The following SMTN variants were observed in gnomAD, a reference collection of about 807,000 sequenced individuals.
SMTN encodes the protein smoothelin.
In SMTN, 58 loss-of-function variants were observed where a neutral mutation model predicts 102.0. The observed-to-expected ratio is 0.57, with a 90% CI of 0.46 to 0.71. The LOEUF is 0.71. Among genes scored for constraint, SMTN ranks in the 30% least tolerant of loss-of-function variants. SMTN has a pLI of 0.00. For missense variants in SMTN, 1,185 were observed against 1,241.7 expected, an observed-to-expected ratio of 0.95 and a Z score of 0.69; for synonymous variants, 478 against 497.9, an observed-to-expected ratio of 0.96 and a Z score of 0.53.
intron 2 of SMTN, among the ~76,000 whole-genome samples, chr22:31,086,519 G>C (rs2042714224): frequency 6.6e-6 from 1 of 152,126 alleles, no homozygotes; most frequent in Non-Finnish European, 1.5e-5. Context: ...TTGCCCCCTT[G>C]TCTCTCTCCC....
chr22:31,085,396 A>G lies in SMTN; in HGVS notation c.51+2087A>G, dbSNP rs2042619974. The G allele has an allele frequency of 6.0e-6, 6 of 1,005,756 alleles. No homozygotes were observed. The Middle Eastern group carries it at 8.4e-4, about 141-fold the overall frequency. 62.3% of individuals were successfully genotyped at this position (1,005,756 alleles called of 1,614,324 possible). A position where few individuals can be genotyped will look rare whatever the true frequency, so the allele number is the denominator to read the frequency against. ...TCCCTCCACCGCCGGCGGGACCCCC[A>G]TGGGCAACCGGGGGAGCTGGGACTG... On this transcript the variant is annotated intron_variant, in intron 2 of 20. Transcript: ENST00000333137.
intron 2 of SMTN, among the ~76,000 whole-genome samples, chr22:31,086,440 A>C (rs1470187068): frequency 6.6e-6 from 1 of 152,224 alleles, no homozygotes; most frequent in Admixed American, 6.5e-5. Context: ...TAGGGGGCTC[A>C]GCACAGGGTT....
intron 1 of SMTN, chr22:31,068,120 A>G (rs1274710298): frequency 1.3e-5 from 2 of 152,108 alleles, no homozygotes; most frequent in Non-Finnish European, 1.5e-5. Flanking sequence ...ACGGGCCAAT[A>G]TGGTGAAACC....
rs781721994 is a variant in SMTN, at chr22:31,095,574, G to A, written c.1826G>A (p.Arg609Gln). Residue 609 changes from arginine to glutamine, a missense_variant, in exon 13 of 21, where the codon CGG becomes CAG. This residue lies in a region of SMTN where 1,096 missense variants were observed against 1,112.7 expected (regional missense o/e 0.98). Transcript: ENST00000333137. This position sits in a 1 kb window ranked among gnomAD's most constrained non-coding sequence, Gnocchi z 4.1. ...STDFEERKLI[R>Q]AALRELRQRK... ...GACTTTGAAGAGCGGAAGCTCATCC[G>A]GGCTGCACTTCGTGAGCTCCGACAA... 1.7e-5 allele frequency: 28 copies of A among 1,613,826 alleles called. No individual in the cohort carries two copies. Among genetic ancestry groups the A allele is most frequent in the South Asian group, 7.7e-5 (7 of 91,050 alleles).
chr22:31,082,739 C>T, intron 1 of SMTN: 3 of 867,938 alleles, frequency 3.5e-6, no homozygotes, highest in Non-Finnish European at 3.6e-6. Flanking sequence ...GTTCAGCCCA[C>T]AGCCAGAAGC....
intron 2 of SMTN, chr22:31,083,575 C>T (rs1430843424): frequency 8.4e-6 from 3 of 359,186 alleles, no homozygotes; most frequent in Non-Finnish European, 1.5e-5. Flanking sequence ...TAGACTCGCC[C>T]GTATGCAGCC....
Position 31,085,085 on chromosome 22 carries a change from G to A in SMTN, c.51+1776G>A, listed in dbSNP as rs1334068080. 9 of 1,534,264 alleles carry A rather than the reference G, an allele frequency of 5.9e-6. No homozygotes were observed. The African/African-American group carries it at 1.2e-4, about 21-fold the overall frequency. ...GATTGGGCCGGGGATGGGAGGAATGGGGACGCCTGGGGACTTGCACGCCGC... is the reference window on the plus strand; with the variant it reads ...GATTGGGCCGGGGATGGGAGGAATGAGGACGCCTGGGGACTTGCACGCCGC... On this transcript the variant is annotated intron_variant, in intron 2 of 20. Transcript: ENST00000333137.
rs745600249 is a variant in SMTN at position 31,088,502 on chromosome 22, T to C, written c.201-11T>C. The C allele has an allele frequency of 6.2e-7, 1 of 1,612,150 alleles. No homozygotes were observed. The highest frequency in any genetic ancestry group is 1.7e-5 in the Admixed American group (1 of 59,978). Reference sequence around the variant, plus strand: ...ATGGCAGTGGTGGTTACAGTCATGATGTCTCTGCAGCTCTCAGCAGCGGGA... The same window carrying C: ...ATGGCAGTGGTGGTTACAGTCATGACGTCTCTGCAGCTCTCAGCAGCGGGA... On this transcript the variant is annotated splice_polypyrimidine_tract_variant and intron_variant, in intron 3 of 20. Coordinates refer to ENST00000333137, the MANE Select transcript of SMTN (RefSeq NM_134269.3).
chr22:31,066,751 GT>G (rs2041859412), intron 1 of SMTN: 1 of 151,650 alleles, frequency 6.6e-6, no homozygotes, highest in Non-Finnish European at 1.5e-5. Context: ...TTTTTATTTT[GT>G]TTTATTTTAT....
At chr22:31,094,113 C>A (rs1396097634) in intron 11 of SMTN, among the ~76,000 whole-genome samples, 2 of 152,242 alleles carry the variant, frequency 1.3e-5, no homozygotes, top group Non-Finnish European at 2.9e-5. Context: ...CTCCCTGCCG[C>A]CCTGCACCCT....
Position 31,089,701 on chromosome 22 carries a change from G to A in SMTN, c.474G>A (p.Val158=), listed in dbSNP as rs201112834. The change falls in exon 7 of 21, where the codon GTG becomes GTA. Residue 158 remains valine (V), a splice_region_variant and synonymous_variant. Transcript: ENST00000333137. ...LAAHRLEQCE[V]PEREEQEQQA... is the part of the protein sequence containing the mutation. ...TGCATCCTGTGGGTCCCTTACAGGTGCCAGAGCGAGAGGAACAGGAACAGC... is the reference window on the plus strand; with the variant it reads ...TGCATCCTGTGGGTCCCTTACAGGTACCAGAGCGAGAGGAACAGGAACAGC... The A allele has an allele frequency of 8.1e-6, 13 of 1,595,620 alleles. No homozygotes were observed. In the East Asian group the frequency reaches 1.1e-4, roughly 14 times the overall value.
upstream of SMTN, among the ~76,000 whole-genome samples, chr22:31,076,494 C>A (rs1476866603): frequency 6.6e-6 from 1 of 152,230 alleles, no homozygotes; most frequent in Non-Finnish European, 1.5e-5. Context: ...GCCTCAGTTT[C>A]TTTGCCCATA....
At chr22:31,104,249 G>T in intron 20 of SMTN, 67 bp from the exon 21 acceptor site, 1 of 1,572,704 alleles carries the variant, frequency 6.4e-7, no homozygotes, top group Non-Finnish European at 8.7e-7. Flanking sequence ...AAAAGACCTT[G>T]GGGTAGAGGG....
Position 31,090,863 on chromosome 22 carries a change from A to C in SMTN, c.921A>C (p.Gln307His). The change falls in exon 9 of 21, where the codon CAA becomes CAC. Residue 307 changes from glutamine (Q) to histidine (H), a missense_variant. Around this residue, in one of 2 missense-constraint regions of SMTN, gnomAD observed 1,096 missense variants for 1,112.7 expected, o/e 0.98. Coordinates refer to ENST00000333137, the MANE Select transcript of SMTN (RefSeq NM_134269.3). The part of the protein sequence containing the change: ...QRSLSVLSPR[Q>H]PAQNRESTPL... ...CCCTGTCGGTGCTCAGCCCCCGCCA[A>C]CCAGCCCAGAACCGAGGTACTACCT... 1 of 1,613,908 alleles carries C rather than the reference A, an allele frequency of 6.2e-7. No homozygotes were observed. The highest frequency in any genetic ancestry group is 8.5e-7 in the Non-Finnish European group (1 of 1,179,916).
At chr22:31,097,405 C>T (rs905999017) in intron 16 of SMTN, 67 bp downstream of exon 16, 18 of 1,426,024 alleles carry the variant, frequency 1.3e-5, no homozygotes, top group Non-Finnish European at 1.3e-5. Flanking sequence ...ACTGCAAACC[C>T]GTTTTACAGA....
At chr22:31,085,336 GA>G (rs1569242604) in intron 2 of SMTN, 1 of 1,447,568 alleles carries the variant, frequency 6.9e-7, no homozygotes, top group Admixed American at 2.3e-5. Flanking sequence ...GGCGGTCGCA[GA>G]ACCTGCGGGC....
Position 31,088,985 on chromosome 22 carries a change from GA to G in SMTN, c.471+17del. 5 of 1,599,370 alleles carry G rather than the reference GA, an allele frequency of 3.1e-6. No homozygotes were observed. Among genetic ancestry groups the G allele is most frequent in the Non-Finnish European group, 4.3e-6 (5 of 1,167,350 alleles). ...ACAGTGTGAGGTAAGGAGGGTGGGA[GA>G]GTGGCCCAGTGTCCTGTGCCCATGG... On this transcript the variant is annotated intron_variant, in intron 6 of 20. Coordinates refer to ENST00000333137, the MANE Select transcript of SMTN (RefSeq NM_134269.3).
chr22:31,088,063 A>G lies in SMTN; in HGVS notation c.150A>G (p.Ala50=), dbSNP rs1194396566. 5 of 1,611,896 alleles carry G rather than the reference A, an allele frequency of 3.1e-6. No individual in the cohort carries two copies. The highest frequency in any genetic ancestry group is 4.2e-6 in the Non-Finnish European group (5 of 1,178,530). The change falls in exon 3 of 21, where the codon GCA becomes GCG. Residue 50 remains alanine (A), a synonymous_variant. Coordinates refer to ENST00000333137, the MANE Select transcript of SMTN (RefSeq NM_134269.3). ...QELEREEEAL[A]SKRFRAERQD... ...TGGAGCGCGAGGAGGAGGCCCTGGC[A>G]TCCAAGCGTTTCCGTGCCGAGCGGC... is the stretch of plus-strand genomic sequence containing the variant.
rs1400470457 is a variant in SMTN at position 31,101,259 on chromosome 22, A to T, written c.*20+210A>T. The T allele has an allele frequency of 1.1e-5, 6 of 545,502 alleles. No individual in the cohort carries two copies. The East Asian group carries it at 1.8e-4, about 16-fold the overall frequency. 33.8% of individuals were successfully genotyped at this position (545,502 alleles called of 1,614,324 possible). ...GATGACCCAGGTGGGCAGCACTGTG[A>T]TGGGGGAAGCCCAGGGGAGATGCCT... On this transcript the variant is annotated intron_variant, in intron 20 of 20. Transcript: ENST00000333137.
Sources: gnomAD v4.1 joint callset for allele counts (sites outside exome capture counted in the v4.1 genomes callset) on GRCh38, gnomAD v4.1.1 for gene constraint, gnomAD v4.1.1 regional missense constraint, Gnocchi (gnomAD v3.1) non-coding constraint, MANE v1.5 for transcripts, NCBI Gene and HGNC (gene_info 2026-07-23, HGNC 2026-07-21) for gene names.